Variants in GSR observed in about 807,000 individuals in gnomAD.
The protein encoded by GSR is glutathione reductase, mitochondrial.
GSR carries 48 observed loss-of-function variants against 56.5 expected under a neutral mutation model. The observed-to-expected ratio is 0.85, with a 90% CI of 0.67 to 1.08. The LOEUF (loss-of-function observed/expected upper bound fraction) is 1.08, where lower values mean the gene tolerates loss of function less well. Ranked by LOEUF, GSR falls within the 50% of genes least tolerant of loss-of-function variation. The probability of loss-of-function intolerance (pLI) is 0.00; values close to 1 mark genes in which losing one functional copy is unlikely to be tolerated. For synonymous variants in GSR, 264 were observed against 270.8 expected (o/e 0.97, Z 0.25); for missense variants, 694 against 703.3 (o/e 0.99, Z 0.15).
chr8:30,727,419 A>C (rs1280118991), intron 1 of GSR, 111 bp downstream of exon 1: 1 of 1,078,236 alleles, frequency 9.3e-7, no homozygotes, highest in Non-Finnish European at 1.3e-6. Flanking sequence ...GGTGGAAAAG[A>C]GGAAAGCCCA....
At chr8:30,709,530 CA>C (rs1162799366) in intron 3 of GSR, among the ~76,000 whole-genome samples, 1 of 152,030 alleles carries the variant, frequency 6.6e-6, no homozygotes, top group Non-Finnish European at 1.5e-5. Flanking sequence ...TAGAGGTTCC[CA>C]GGGGCCAGGG....
At position 30,681,975 on chromosome 8, in the gene GSR, C is replaced by T. The variant is rs776147491; in HGVS notation, c.1240G>A (p.Val414Met). ...CCAATAGGGGGGTGGCTGAAGACCA[C>T]AGTTGGGATGTTGTTATAATCTAAT... ...SKLDYNNIPT[V>M]VFSHPPIGTV... The change falls in exon 11 of 13, where the codon GTG (valine) becomes ATG (methionine). Residue 414 changes from valine (V) to methionine (M), a missense_variant. Coordinates refer to ENST00000221130, the MANE Select transcript of GSR (RefSeq NM_000637.5). 6.2e-7 allele frequency: 1 copy of T among 1,613,452 alleles called. No individual in the cohort carries two copies. The highest frequency in any genetic ancestry group is 8.5e-7 in the Non-Finnish European group (1 of 1,179,356).
chr8:30,703,951 C>A (rs549241015), intron 4 of GSR, among the ~76,000 whole-genome samples: 1 of 152,196 alleles, frequency 6.6e-6, no homozygotes, highest in East Asian at 1.9e-4. Flanking sequence ...ATGCAAGGCA[C>A]CCCCGTAAGA....
chr8:30,692,819 G>A, intron 8 of GSR, 150 bp downstream of exon 8: 1 of 682,338 alleles, frequency 1.5e-6, no homozygotes. Context: ...AGCTTCTTAG[G>A]AGGAAGGAAA....
At chr8:30,720,039 G>C (rs575396569) in intron 1 of GSR, among the ~76,000 whole-genome samples, 2 of 151,806 alleles carry the variant, frequency 1.3e-5, no homozygotes, top group African/African-American at 4.8e-5. Context: ...GTAAGGCCTC[G>C]TCTCCACAAA....
At chr8:30,681,074 C>G (rs769251285) in intron 11 of GSR, 37 bp from the exon 12 acceptor site, 1 of 1,547,880 alleles carries the variant, frequency 6.5e-7, no homozygotes, top group Non-Finnish European at 8.9e-7. Flanking sequence ...TATCAGAAAA[C>G]TAAACAATTA....
chr8:30,715,701 A>G (rs1804309597), intron 1 of GSR, among the ~76,000 whole-genome samples: 2 of 152,200 alleles, frequency 1.3e-5, no homozygotes, highest in South Asian at 4.1e-4. Context: ...TGTCTGCTAC[A>G]TAAATACTGC....
At chr8:30,691,620 G>A (rs1803380507) in intron 8 of GSR, among the ~76,000 whole-genome samples, 1 of 151,712 alleles carries the variant, frequency 6.6e-6, no homozygotes, top group African/African-American at 2.4e-5. Context: ...GGCAGAGGTT[G>A]CAGTGAGCCG....
rs1489149267 is a variant in GSR at position 30,678,572 on chromosome 8, T to A, written c.*948A>T. ...AGATGCAGTCTTGCTATGCTGTGCA[T>A]GCTGGCCTCAAACTTGTAGGCTCAA... On this transcript the variant is annotated 3_prime_UTR_variant, in exon 13 of 13. Coordinates refer to ENST00000221130, the MANE Select transcript of GSR (RefSeq NM_000637.5). 1 of 151,912 alleles carries A rather than the reference T, an allele frequency of 6.6e-6. No homozygotes were observed. The highest frequency in any genetic ancestry group is 2.4e-5 in the African/African-American group (1 of 41,366). The allele number at this position is 151,912 out of a possible 1,614,324, so 9.4% of individuals were successfully genotyped here.
chr8:30,725,555 A>G (rs889786121), intron 1 of GSR, among the ~76,000 whole-genome samples: 4 of 141,410 alleles, frequency 2.8e-5, no homozygotes, highest in Non-Finnish European at 6.2e-5. Flanking sequence ...GCAAGACTCC[A>G]TATCGAAAAA....
At chr8:30,695,528 C>A (rs1803518221) in intron 7 of GSR, among the ~76,000 whole-genome samples, 1 of 152,120 alleles carries the variant, frequency 6.6e-6, no homozygotes, top group Non-Finnish European at 1.5e-5. Flanking sequence ...AGCCACTGTG[C>A]CCAGTCTGCA....
chr8:30,683,195 CA>C (rs1426810325), intron 10 of GSR, among the ~76,000 whole-genome samples: 3 of 152,264 alleles, frequency 2.0e-5, no homozygotes, highest in Middle Eastern at 6.8e-3. Flanking sequence ...CTACTAGACT[CA>C]AGCGATCCCC....
At chr8:30,683,754 CA>C (rs10679532) in intron 10 of GSR, among the ~76,000 whole-genome samples, 30 of 141,926 alleles carry the variant, frequency 2.1e-4, no homozygotes, top group Admixed American at 4.3e-4. Context: ...AGAGTGTCTC[CA>C]AAAAAAAAAA....
At chr8:30,720,969 G>A (rs7007803) in intron 1 of GSR, among the ~76,000 whole-genome samples, 16,464 of 152,002 alleles carry the variant, frequency 0.11, 2,776 homozygotes, top group African/African-American at 0.36. Flanking sequence ...ACAAATAACA[G>A]CCTGTAGTCT....
At chr8:30,682,137 A>T in intron 10 of GSR, 76 bp from the exon 11 acceptor site, 2 of 1,197,944 alleles carry the variant, frequency 1.7e-6, no homozygotes, top group South Asian at 2.4e-5. Context: ...CTAGCCATTT[A>T]TCCATCTACC....
chr8:30,708,227 G>A lies in GSR; in HGVS notation c.423-86C>T, dbSNP rs1803982610. On this transcript the variant is annotated intron_variant, in intron 3 of 12. Coordinates refer to ENST00000221130, the MANE Select transcript of GSR (RefSeq NM_000637.5). ...AGGCATCTGTCCCTGAACACCCCGAGCAGAGAATCACTGACTGTCAACAGC... is the reference window on the plus strand; with the variant it reads ...AGGCATCTGTCCCTGAACACCCCGAACAGAGAATCACTGACTGTCAACAGC... 3 of 949,064 alleles carry A rather than the reference G, an allele frequency of 3.2e-6. No individual in the cohort carries two copies. In the Admixed American group the frequency reaches 5.1e-5, roughly 16 times the overall value. 58.8% of individuals were successfully genotyped at this position (949,064 alleles called of 1,614,324 possible).
At chr8:30,697,737 A>G (rs1375668565) in intron 6 of GSR, among the ~76,000 whole-genome samples, 1 of 152,210 alleles carries the variant, frequency 6.6e-6, no homozygotes, top group African/African-American at 2.4e-5. Flanking sequence ...AACTCTGTGC[A>G]GAGACAATAT....
At chr8:30,699,110 AC>A (rs1286756522) in intron 6 of GSR, among the ~76,000 whole-genome samples, 3 of 151,952 alleles carry the variant, frequency 2.0e-5, no homozygotes, top group Non-Finnish European at 2.9e-5. Flanking sequence ...ACAGAACGAG[AC>A]CCCATCTCTA....
chr8:30,685,653 A>G (rs1803135329), intron 9 of GSR, among the ~76,000 whole-genome samples: 1 of 152,066 alleles, frequency 6.6e-6, no homozygotes, highest in Non-Finnish European at 1.5e-5. Flanking sequence ...GATATGGCAG[A>G]AGTAGGAAGT....
Sources: gnomAD v4.1 joint callset for allele counts (sites outside exome capture counted in the v4.1 genomes callset) on GRCh38, gnomAD v4.1.1 for gene constraint, MANE v1.5 for transcripts, NCBI Gene and HGNC (gene_info 2026-07-23, HGNC 2026-07-21) for gene names.